FER1L6: variants seen among roughly 807,000 people sequenced by gnomAD.
FER1L6 encodes the protein fer-1-like protein 6.
FER1L6 carries 177 observed loss-of-function variants against 219.2 expected under a neutral mutation model. That is an observed-to-expected ratio of 0.81 (90% CI 0.71 to 0.91). FER1L6 has a LOEUF of 0.91. Among genes scored for constraint, FER1L6 ranks in the 40% least tolerant of loss-of-function variants. FER1L6 has a pLI of 0.00. For missense variants in FER1L6, 2,153 were observed against 2,259.9 expected (o/e 0.95, Z 0.96); for synonymous variants, 768 against 824.3 (o/e 0.93, Z 1.17).
chr8:123,959,996 G>T (rs577960731), intron 2 of FER1L6, among the ~76,000 whole-genome samples: 1 of 152,268 alleles, frequency 6.6e-6, no homozygotes, highest in African/African-American at 2.4e-5. Context: ...TGGGTGACTT[G>T]TTCAAGTCAT....
chr8:124,040,031 T>A, intron 20 of FER1L6, 25 bp downstream of exon 20: 2 of 1,613,770 alleles, frequency 1.2e-6, no homozygotes, highest in Non-Finnish European at 1.7e-6. Context: ...CAAGACAGCC[T>A]GCTTCTTTCC....
intron 1 of FER1L6, among the ~76,000 whole-genome samples, chr8:123,928,856 T>C (rs921508962): frequency 1.3e-5 from 2 of 152,142 alleles, no homozygotes; most frequent in Non-Finnish European, 2.9e-5. Flanking sequence ...CTTACAGGAG[T>C]CATCATTTAC....
chr8:123,986,519 A>G (rs562693185), intron 12 of FER1L6, among the ~76,000 whole-genome samples: 34 of 152,248 alleles, frequency 2.2e-4, no homozygotes, highest in African/African-American at 8.2e-4. Flanking sequence ...CCAACAATCC[A>G]TATTACACTG....
chr8:124,013,775 TG>T (rs1294170874), intron 15 of FER1L6: 5 of 272,934 alleles, frequency 1.8e-5, no homozygotes, highest in African/African-American at 1.1e-4. Flanking sequence ...ACAGAGACTC[TG>T]TAGGAAACAA....
Position 123,898,643 on chromosome 8 carries a change from T to A in FER1L6, c.-8+46458T>A, listed in dbSNP as rs190443379. Reference sequence around the variant, plus strand: ...TTTTATGGCTGAGTAGTATTCCATTTTATATATATATATATGTATATATAT... The same window carrying A: ...TTTTATGGCTGAGTAGTATTCCATTATATATATATATATATGTATATATAT... On this transcript the variant is annotated intron_variant, in intron 1 of 40. Coordinates refer to ENST00000522917, the MANE Select transcript of FER1L6 (RefSeq NM_001039112.2). 5.6e-3 allele frequency among the ~76,000 whole-genome samples: 796 copies of A among 142,038 alleles called. 9 individuals are homozygous for A. Among genetic ancestry groups the A allele is most frequent in the South Asian group, 0.018 (81 of 4,552 alleles). The allele number at this position is 142,038 out of a possible 152,430, so 93.2% of individuals were successfully genotyped here. A position where few individuals can be genotyped will look rare whatever the true frequency, so the allele number is the denominator to read the frequency against.
At chr8:123,986,687 A>C (rs1816601774) in intron 12 of FER1L6, among the ~76,000 whole-genome samples, 1 of 152,088 alleles carries the variant, frequency 6.6e-6, no homozygotes, top group Non-Finnish European at 1.5e-5. Context: ...GCCTTTGATA[A>C]CCATCATTTC....
At chr8:123,927,904 TC>T (rs1813627615) in intron 1 of FER1L6, among the ~76,000 whole-genome samples, 1 of 152,244 alleles carries the variant, frequency 6.6e-6, no homozygotes, top group Admixed American at 6.5e-5. Context: ...TCTGGCGATT[TC>T]TTTTCATGGC....
At chr8:123,910,164 C>T (rs574359169) in intron 1 of FER1L6, among the ~76,000 whole-genome samples, 8 of 152,276 alleles carry the variant, frequency 5.3e-5, no homozygotes, top group South Asian at 2.1e-4. Context: ...ATGTCTGACC[C>T]GGCAGCAGCA....
intron 21 of FER1L6, among the ~76,000 whole-genome samples, chr8:124,049,176 T>C (rs1263693536): frequency 1.3e-5 from 2 of 152,040 alleles, no homozygotes; most frequent in Admixed American, 6.6e-5. Context: ...GCCTCCCAAG[T>C]AGCTGGGACT....
At chr8:124,105,739 G>A (rs541739913) in intron 39 of FER1L6, among the ~76,000 whole-genome samples, 1 of 152,222 alleles carries the variant, frequency 6.6e-6, no homozygotes, top group East Asian at 1.9e-4. Flanking sequence ...TAGCCCCAAA[G>A]CAGAAACACT....
At position 124,066,532 on chromosome 8, in the gene FER1L6, C is replaced by T; in HGVS notation, c.3660C>T (p.Ser1220=). ...VIDWWSKYYA[S]LKKAQKAKER... ...ACTGGTGGTCTAAGTATTATGCCTC[C>T]CTGAAGAAAGCCCAGAAGGTAGAGT... Residue 1220 remains serine, a synonymous_variant, in exon 27 of 41, where the codon TCC becomes TCT. Coordinates refer to ENST00000522917, the MANE Select transcript of FER1L6 (RefSeq NM_001039112.2). 1 of 1,613,866 alleles carries T rather than the reference C, an allele frequency of 6.2e-7. No homozygotes were observed. Among genetic ancestry groups the T allele is most frequent in the Non-Finnish European group, 8.5e-7 (1 of 1,179,866 alleles).
rs1337663387 is a variant in FER1L6, at chr8:123,909,382, ATC to A, written c.-7-46609_-7-46608del. ...ATTCTGTGGGCAGTGAGGGCGTGGGATCATGGAGATGACTTGTTGAAAACAGT... is the reference window on the plus strand; with the variant it reads ...ATTCTGTGGGCAGTGAGGGCGTGGGAATGGAGATGACTTGTTGAAAACAGT... On this transcript the variant is annotated intron_variant, in intron 1 of 40. Transcript: ENST00000522917. Among the ~76,000 whole-genome samples the A allele has an allele frequency of 2.6e-5, 4 of 152,132 alleles. No individual in the cohort carries two copies. The East Asian group carries it at 7.7e-4, about 29-fold the overall frequency.
At chr8:124,070,027 T>C (rs761191955) in intron 29 of FER1L6, among the ~76,000 whole-genome samples, 4 of 152,222 alleles carry the variant, frequency 2.6e-5, no homozygotes, top group Non-Finnish European at 5.9e-5. Flanking sequence ...AGCATATATA[T>C]AATTTTCCAC....
intron 1 of FER1L6, among the ~76,000 whole-genome samples, chr8:123,934,206 G>A (rs1201172902): frequency 5.9e-5 from 9 of 152,094 alleles, no homozygotes; most frequent in Non-Finnish European, 8.8e-5. Context: ...TGCAACCTCC[G>A]CCTCCAGGGT....
At chr8:124,082,997 G>A (rs1465030307) in intron 33 of FER1L6, among the ~76,000 whole-genome samples, 1 of 50,796 alleles carries the variant, frequency 2.0e-5, no homozygotes, top group African/African-American at 8.2e-5. Flanking sequence ...ATGTGTGTGT[G>A]TATATATTAT....
chr8:123,961,905 G>T (rs1193341679), intron 2 of FER1L6, among the ~76,000 whole-genome samples: 1 of 144,952 alleles, frequency 6.9e-6, no homozygotes, highest in African/African-American at 2.6e-5. Context: ...TTTTGAGATG[G>T]AGTCTTGGAG....
chr8:123,866,336 G>T (rs114487552), intron 1 of FER1L6, among the ~76,000 whole-genome samples: 1 of 150,584 alleles, frequency 6.6e-6, no homozygotes, highest in Admixed American at 6.6e-5. Context: ...TATACACTAC[G>T]TATATAAAAA....
chr8:123,905,267 C>G (rs1376348973), intron 1 of FER1L6, among the ~76,000 whole-genome samples: 4 of 152,076 alleles, frequency 2.6e-5, no homozygotes, highest in Non-Finnish European at 5.9e-5. Flanking sequence ...CCACAGTGTG[C>G]GTTGTTCTCT....
intron 1 of FER1L6, among the ~76,000 whole-genome samples, chr8:123,939,918 G>A (rs1197816418): frequency 6.6e-6 from 1 of 152,154 alleles, no homozygotes; most frequent in African/African-American, 2.4e-5. Context: ...AGCTACAAAT[G>A]AAAGCTCTTT....
Sources: allele counts gnomAD v4.1 joint callset (sites outside exome capture counted in the v4.1 genomes callset), GRCh38; gene constraint gnomAD v4.1.1; transcripts MANE v1.5; gene names NCBI Gene and HGNC (gene_info 2026-07-23, HGNC 2026-07-21).